The following TBC1D22A variants were observed in gnomAD, a reference collection of about 807,000 sequenced individuals.
TBC1D22A encodes the protein TBC1 domain family member 22A.
A neutral mutation model predicts 60.2 loss-of-function variants in TBC1D22A; 38 were observed. That is an observed-to-expected ratio of 0.63 (90% CI 0.49 to 0.83). TBC1D22A has a LOEUF of 0.83. TBC1D22A is among the 40% of genes least tolerant of loss of function. The pLI, the probability that TBC1D22A is intolerant of heterozygous loss-of-function variation, is 0.00. For missense variants in TBC1D22A, 628 were observed against 701.0 expected, an observed-to-expected ratio of 0.90 and a Z score of 1.18; for synonymous variants, 302 against 281.7, an observed-to-expected ratio of 1.07 and a Z score of -0.72.
At chr22:47,138,178 C>T (rs984987327) in intron 12 of TBC1D22A, among the ~76,000 whole-genome samples, 2 of 152,202 alleles carry the variant, frequency 1.3e-5, no homozygotes, top group Non-Finnish European at 2.9e-5. Context: ...CACGGCCCAT[C>T]ACTTTGTCGA....
rs2066007619 is a variant in TBC1D22A, at chr22:47,115,487, C to T, written c.1425+3884C>T. On this transcript the variant is annotated intron_variant, in intron 12 of 12. Coordinates refer to ENST00000337137, the MANE Select transcript of TBC1D22A (RefSeq NM_014346.5). ...TGCCTTCCATCTGCCACTCTCCCACCAGACTTTCGTAGGGTCTTGGGGGTG... is the reference window on the plus strand; with the variant it reads ...TGCCTTCCATCTGCCACTCTCCCACTAGACTTTCGTAGGGTCTTGGGGGTG... Among the ~76,000 whole-genome samples, 3 of 152,298 alleles carry T rather than the reference C, an allele frequency of 2.0e-5. No homozygotes were observed. In the South Asian group the frequency reaches 6.2e-4, roughly 32 times the overall value.
intron 7 of TBC1D22A, among the ~76,000 whole-genome samples, chr22:46,903,578 T>C (rs113928084): frequency 6.6e-6 from 1 of 151,948 alleles, no homozygotes; most frequent in African/African-American, 2.4e-5. Flanking sequence ...CCTGAGGGAG[T>C]TGCGAGGAAT....
chr22:47,158,682 C>T (rs1182043459), intron 12 of TBC1D22A, among the ~76,000 whole-genome samples: 1 of 152,160 alleles, frequency 6.6e-6, no homozygotes, highest in East Asian at 1.9e-4. Context: ...ACACACCACA[C>T]AGCTCTGGTT....
At chr22:47,015,828 C>T (rs761236418) in intron 10 of TBC1D22A, among the ~76,000 whole-genome samples, 6 of 152,174 alleles carry the variant, frequency 3.9e-5, no homozygotes, top group African/African-American at 9.7e-5. Context: ...CTTGGCCTTA[C>T]GCTGCCCTAT....
At chr22:46,933,660 T>C (rs1450838240) in intron 8 of TBC1D22A, among the ~76,000 whole-genome samples, 1 of 152,170 alleles carries the variant, frequency 6.6e-6, no homozygotes, top group Non-Finnish European at 1.5e-5. Context: ...AGGGTGGCAC[T>C]GGCCGGCAGC....
intron 8 of TBC1D22A, among the ~76,000 whole-genome samples, chr22:46,932,348 A>G (rs2071401324): frequency 6.6e-6 from 1 of 152,250 alleles, no homozygotes; most frequent in Non-Finnish European, 1.5e-5. Context: ...CTCAAAGAGT[A>G]AAGGCCAGAG....
intron 8 of TBC1D22A, among the ~76,000 whole-genome samples, chr22:46,968,136 GGTT>G (rs1048459932): frequency 6.6e-5 from 10 of 152,204 alleles, no homozygotes; most frequent in Admixed American, 6.5e-4. Context: ...ATGGCTGCGG[GGTT>G]GTTGTATTTC....
chr22:47,172,263 C>T (rs2068513303), intron 12 of TBC1D22A, among the ~76,000 whole-genome samples: 1 of 152,226 alleles, frequency 6.6e-6, no homozygotes, highest in Admixed American at 6.5e-5. Flanking sequence ...TGTGTGCCCA[C>T]CCAGTGCTGG....
Position 46,912,233 on chromosome 22 carries a change from C to T in TBC1D22A, c.1015+45C>T, listed in dbSNP as rs112701218. On this transcript the variant is annotated intron_variant, in intron 8 of 12. Coordinates refer to ENST00000337137, the MANE Select transcript of TBC1D22A (RefSeq NM_014346.5). Reference sequence around the variant, plus strand: ...TTAAACGTGAACTTTAGTGGACTTGCTGTGTGTTACTATGTATAATTATAA... The same window carrying T: ...TTAAACGTGAACTTTAGTGGACTTGTTGTGTGTTACTATGTATAATTATAA... The T allele has an allele frequency of 2.0e-5, 27 of 1,345,006 alleles. 1 individual carries two copies. Among genetic ancestry groups the T allele is most frequent in the African/African-American group, 1.9e-4 (13 of 69,682 alleles). 83.3% of individuals were successfully genotyped at this position (1,345,006 alleles called of 1,614,324 possible). A position where few individuals can be genotyped will look rare whatever the true frequency, so the allele number is the denominator to read the frequency against.
intron 4 of TBC1D22A, among the ~76,000 whole-genome samples, chr22:46,842,839 G>A (rs1346161799): frequency 4.6e-5 from 7 of 152,236 alleles, no homozygotes; most frequent in Non-Finnish European, 7.3e-5. Flanking sequence ...CTGCTGTTGC[G>A]TGCCCAGGGC....
intron 12 of TBC1D22A, among the ~76,000 whole-genome samples, chr22:47,112,435 G>A (rs979245815): frequency 4.6e-5 from 7 of 152,202 alleles, no homozygotes. Context: ...CTCAGATAAA[G>A]GGACGGACCT....
chr22:47,107,272 T>C (rs960322807), intron 11 of TBC1D22A, among the ~76,000 whole-genome samples: 3 of 152,158 alleles, frequency 2.0e-5, no homozygotes, highest in African/African-American at 7.2e-5. Flanking sequence ...AGTAGAACAG[T>C]TGGAAACCTC....
At chr22:46,932,911 G>C (rs2071439004) in intron 8 of TBC1D22A, among the ~76,000 whole-genome samples, 1 of 152,014 alleles carries the variant, frequency 6.6e-6, no homozygotes, top group African/African-American at 2.4e-5. Context: ...TTTTAGTAGA[G>C]ATGAGGTTTC....
chr22:47,107,090 TAAC>T (rs1050143040), intron 11 of TBC1D22A, among the ~76,000 whole-genome samples: 12 of 152,224 alleles, frequency 7.9e-5, no homozygotes, highest in South Asian at 2.1e-4. Flanking sequence ...AGGATAAAGA[TAAC>T]AATTCATTTT....
chr22:46,819,639 C>T (rs1048658645), intron 4 of TBC1D22A, among the ~76,000 whole-genome samples: 6 of 152,130 alleles, frequency 3.9e-5, no homozygotes, highest in Non-Finnish European at 7.4e-5. Flanking sequence ...TTTGGTTCGC[C>T]AGTATTTTAT....
chr22:47,076,295 C>A (rs1051080095), intron 11 of TBC1D22A, among the ~76,000 whole-genome samples: 1 of 149,450 alleles, frequency 6.7e-6, no homozygotes, highest in African/African-American at 2.5e-5. Context: ...CAACAAATTC[C>A]AGCAAATTGG....
intron 4 of TBC1D22A, among the ~76,000 whole-genome samples, chr22:46,873,564 A>G (rs1009392458): frequency 6.6e-6 from 1 of 152,130 alleles, no homozygotes; most frequent in African/African-American, 2.4e-5. Flanking sequence ...CAGGTTTGTT[A>G]CCTAGGTAAA....
intron 7 of TBC1D22A, among the ~76,000 whole-genome samples, chr22:46,907,549 C>T (rs5769231): frequency 0.31 from 47,697 of 152,138 alleles, 8,382 homozygotes; most frequent in East Asian, 0.62. Context: ...GGGGAGGGCT[C>T]ACATGCAGGG....
chr22:46,966,206 A>T (rs929412479), intron 8 of TBC1D22A, among the ~76,000 whole-genome samples: 5 of 152,096 alleles, frequency 3.3e-5, no homozygotes, highest in African/African-American at 9.6e-5. Flanking sequence ...CTTGGTTGGA[A>T]TGCCAGTGGC....
Sources: gnomAD v4.1 joint callset for allele counts (sites outside exome capture counted in the v4.1 genomes callset) on GRCh38, gnomAD v4.1.1 for gene constraint, MANE v1.5 for transcripts, NCBI Gene and HGNC (gene_info 2026-07-23, HGNC 2026-07-21) for gene names.